F11: variants seen among roughly 807,000 people sequenced by gnomAD.
The protein encoded by F11 is coagualtion factor XI.
F11 carries 78 observed loss-of-function variants against 76.5 expected under a neutral mutation model. The ratio of observed to expected loss-of-function variants is 1.02; its 90% CI spans 0.85 to 1.23. The LOEUF is 1.23. Among genes scored for constraint, F11 ranks in the 50% most tolerant of loss-of-function variants. F11 has a pLI of 0.00. For missense variants in F11, 742 were observed against 771.4 expected (o/e 0.96, Z 0.45); for synonymous variants, 278 against 276.3 (o/e 1.01, Z -0.06).
In F11 at chr4:186,274,214, G is replaced by A. The variant is rs1328491769; in HGVS notation, c.424G>A (p.Asp142Asn). Reference sequence around the variant, plus strand: ...TCAAGAATGCCAAGAAAGATGCACGGATGACGTCCACTGCCACTTTTTCAC... The same window carrying A: ...TCAAGAATGCCAAGAAAGATGCACGAATGACGTCCACTGCCACTTTTTCAC... ...SAQECQERCT[D>N]DVHCHFFTYA... Residue 142 changes from aspartate to asparagine, a missense_variant, in exon 5 of 15, where the codon GAT becomes AAT. Coordinates refer to ENST00000403665, the MANE Select transcript of F11 (RefSeq NM_000128.4). The A allele has an allele frequency of 6.2e-7, 1 of 1,614,118 alleles. No individual in the cohort carries two copies. The highest frequency in any genetic ancestry group is 1.3e-5 in the African/African-American group (1 of 74,938).
intron 7 of F11, 93 bp downstream of exon 7, chr4:186,276,483 T>A (rs533952931): frequency 6.9e-7 from 1 of 1,440,576 alleles, no homozygotes; most frequent in East Asian, 2.3e-5. Flanking sequence ...AAAAATTTAC[T>A]CTAAATGTCA....
intron 2 of F11, among the ~76,000 whole-genome samples, chr4:186,269,401 A>C (rs1739749585): frequency 6.6e-6 from 1 of 152,208 alleles, no homozygotes; most frequent in Non-Finnish European, 1.5e-5. Flanking sequence ...CATACAAAGG[A>C]ATATTACTCA....
intron 14 of F11, 90 bp downstream of exon 14, chr4:186,287,913 G>A (rs1741332764): frequency 1.4e-6 from 2 of 1,453,544 alleles, no homozygotes; most frequent in Non-Finnish European, 1.9e-6. Context: ...TTTTTTGTTT[G>A]TTTTTTTTTG....
chr4:186,266,524 C>T (rs978297574), intron 1 of F11, among the ~76,000 whole-genome samples: 3 of 152,144 alleles, frequency 2.0e-5, no homozygotes, highest in African/African-American at 7.2e-5. Context: ...AAGCGTTTTA[C>T]GAGTTAAAAA....
At chr4:186,288,122 C>G (rs1330683406) in intron 14 of F11, among the ~76,000 whole-genome samples, 1 of 151,690 alleles carries the variant, frequency 6.6e-6, no homozygotes, top group African/African-American at 2.4e-5. Flanking sequence ...CCATGTTGGC[C>G]AGGATGGTCT....
Position 186,284,135 on chromosome 4 carries a change from G to A in F11, c.1179G>A (p.Ala393=), listed in dbSNP as rs145927314. ...AGCCCAGGATCGTTGGAGGAACTGC[G>A]TCTGTTCGTGGTGAGTGGCCGTGGC... ...KIKPRIVGGT[A]SVRGEWPWQV... is the part of the protein sequence containing the mutation. The change falls in exon 11 of 15, where the codon GCG becomes GCA. Residue 393 remains alanine (A), a synonymous_variant. Transcript: ENST00000403665. 1.9e-4 allele frequency: 312 copies of A among 1,614,070 alleles called. No individual in the cohort carries two copies. Among genetic ancestry groups the A allele is most frequent in the Admixed American group, 3.3e-4 (20 of 60,006 alleles).
intron 10 of F11, chr4:186,281,794 C>G: frequency 1.0e-6 from 1 of 968,672 alleles, no homozygotes; most frequent in Non-Finnish European, 1.3e-6. Context: ...TTTAGAAGCA[C>G]AAAAACATTC....
At position 186,274,685 on chromosome 4, in the gene F11, TAAA is replaced by T. The variant is rs4253412; in HGVS notation, c.485+413_485+415del. The T allele has an allele frequency of 4.2e-3, 1,067 of 254,674 alleles. 11 individuals are homozygous for T. Among genetic ancestry groups the T allele is most frequent in the Middle Eastern group, 0.026 (17 of 660 alleles). The allele number at this position is 254,674 out of a possible 1,614,324, so 15.8% of individuals were successfully genotyped here. On this transcript the variant is annotated intron_variant, in intron 5 of 14. Transcript: ENST00000403665. ...CCTTACCTAAGACAAAATACTCATG[TAAA>T]AAGTCTTATCCTGCTCCATACTGGA...
chr4:186,274,590 A>G (rs1041627131), intron 5 of F11: 1 of 382,832 alleles, frequency 2.6e-6, no homozygotes, highest in Non-Finnish European at 4.9e-6. Context: ...TGCCCTTCCC[A>G]GTCTAAAAAA....
intron 7 of F11, among the ~76,000 whole-genome samples, chr4:186,278,422 T>C (rs1003128979): frequency 2.0e-5 from 3 of 152,186 alleles, no homozygotes; most frequent in African/African-American, 7.2e-5. Context: ...GTGCTTATTA[T>C]GTATCAGGCA....
In F11 at chr4:186,273,177, G is replaced by A. The variant is rs768474112; in HGVS notation, c.325G>A (p.Ala109Thr). 8.1e-6 allele frequency: 13 copies of A among 1,607,398 alleles called. No homozygotes were observed. The highest frequency in any genetic ancestry group is 4.4e-5 in the South Asian group (4 of 90,938). ...SFKQCSHQIS[A>T]CNKDIYVDLD... ...CAAGCAATGCTCACACCAAATAAGCGGTAAGATATGTTCTCAGAATCAACA... is the reference window on the plus strand; with the variant it reads ...CAAGCAATGCTCACACCAAATAAGCAGTAAGATATGTTCTCAGAATCAACA... The change falls in exon 4 of 15, where the codon GCT becomes ACT. Residue 109 changes from alanine (A) to threonine (T), a missense_variant and splice_region_variant. Ala to Thr is a moderately conservative substitution (Grantham distance 58). Transcript: ENST00000403665.
chr4:186,272,800 C>G (rs374726563), intron 3 of F11, among the ~76,000 whole-genome samples: 2 of 152,072 alleles, frequency 1.3e-5, no homozygotes, highest in South Asian at 2.1e-4. Flanking sequence ...TAAACAGAAA[C>G]ACACAGATTT....
At chr4:186,288,120 G>A (rs1741351028) in intron 14 of F11, among the ~76,000 whole-genome samples, 1 of 151,684 alleles carries the variant, frequency 6.6e-6, no homozygotes, top group African/African-American at 2.4e-5. Flanking sequence ...CACCATGTTG[G>A]CCAGGATGGT....
At chr4:186,282,420 G>A in intron 10 of F11, 2 of 985,374 alleles carry the variant, frequency 2.0e-6, no homozygotes, top group Non-Finnish European at 2.4e-6. Flanking sequence ...TAATGTGAAA[G>A]GGAATAGCTG....
chr4:186,268,314 A>T (rs775933606), intron 2 of F11, among the ~76,000 whole-genome samples: 5 of 152,194 alleles, frequency 3.3e-5, no homozygotes, highest in Non-Finnish European at 5.9e-5. Context: ...TGTAAATACT[A>T]TGCCATTTTC....
At position 186,280,257 on chromosome 4, in the gene F11, T is replaced by C. The variant is rs779805829; in HGVS notation, c.900T>C (p.Asp300=). The change falls in exon 9 of 15, where the codon GAT becomes GAC. Residue 300 remains aspartate (D), a synonymous_variant. Transcript: ENST00000403665. ...ATTCTTCATTTTACCATGACACTGATTTCTTGGGAGAAGAACTGGATATTG... is the reference window on the plus strand; with the variant it reads ...ATTCTTCATTTTACCATGACACTGACTTCTTGGGAGAAGAACTGGATATTG... ...FCHSSFYHDT[D]FLGEELDIVA... 6.2e-6 allele frequency: 10 copies of C among 1,614,106 alleles called. No homozygotes were observed. The highest frequency in any genetic ancestry group is 8.5e-6 in the Non-Finnish European group (10 of 1,180,046).
chr4:186,270,404 A>C (rs1229599382), intron 2 of F11, among the ~76,000 whole-genome samples: 2 of 152,160 alleles, frequency 1.3e-5, no homozygotes, highest in Non-Finnish European at 2.9e-5. Flanking sequence ...AAAAATTTTT[A>C]AATGTTTATA....
intron 12 of F11, chr4:186,286,074 C>G: frequency 7.2e-6 from 4 of 558,118 alleles, no homozygotes. Flanking sequence ...TTTCATAATA[C>G]TTTGGAATAG....
chr4:186,273,983 CA>C, intron 4 of F11, 132 bp from the exon 5 acceptor site: 1 of 902,456 alleles, frequency 1.1e-6, no homozygotes, highest in South Asian at 1.4e-5. Context: ...AAGAATTTTG[CA>C]GATTAATATA....
Sources: gnomAD v4.1 joint callset for allele counts (sites outside exome capture counted in the v4.1 genomes callset) on GRCh38, gnomAD v4.1.1 for gene constraint, MANE v1.5 for transcripts, NCBI Gene and HGNC (gene_info 2026-07-23, HGNC 2026-07-21) for gene names.